Variants in DLGAP4 observed in about 807,000 individuals in gnomAD.
DLGAP4 encodes disks large-associated protein 4.
Under a neutral mutation model 86.9 loss-of-function variants are expected in DLGAP4, and 18 were observed. The observed-to-expected ratio is 0.21, with a 90% CI of 0.14 to 0.31. DLGAP4 has a LOEUF of 0.31. DLGAP4 is among the 10% of genes least tolerant of loss of function. The pLI, the probability that DLGAP4 is intolerant of heterozygous loss-of-function variation, is 1.00. For missense variants in DLGAP4, 1,085 were observed against 1,362.6 expected (o/e 0.80, Z 3.21); for synonymous variants, 548 against 574.3 (o/e 0.95, Z 0.65).
intron 2 of DLGAP4, among the ~76,000 whole-genome samples, chr20:36,408,083 G>A (rs1356541800): frequency 6.6e-6 from 1 of 152,028 alleles, no homozygotes; most frequent in Non-Finnish European, 1.5e-5. Flanking sequence ...AAGCTGGTGA[G>A]GAAGGAGACA....
chr20:36,432,395 G>A lies in DLGAP4; in HGVS notation c.678G>A (p.Gly226=), dbSNP rs1280640345. ...TCCGCAGCAGTGGCCCAGCCTCTGG[G>A]CTGATGACACTAGGCCGCCAGGCAG... ...GAFRSSGPAS[G]LMTLGRQAER... Residue 226 remains glycine, a synonymous_variant, in exon 3 of 13, where the codon GGG becomes GGA. Coordinates refer to ENST00000339266, the MANE Select transcript of DLGAP4 (RefSeq NM_001365621.2). This position sits in a 1 kb window ranked among gnomAD's most constrained non-coding sequence, Gnocchi z 6.5. 1 of 1,613,782 alleles carries A rather than the reference G, an allele frequency of 6.2e-7. No homozygotes were observed. The highest frequency in any genetic ancestry group is 8.5e-7 in the Non-Finnish European group (1 of 1,180,044).
chr20:36,476,318 C>CTTTTT (rs1028980966), intron 7 of DLGAP4, among the ~76,000 whole-genome samples: 1 of 119,598 alleles, frequency 8.4e-6, no homozygotes, highest in African/African-American at 3.1e-5. Flanking sequence ...TGGCAACCAC[C>CTTTTT]TTTTTTTTTT....
At chr20:36,331,659 G>C (rs1394808672) in intron 1 of DLGAP4, among the ~76,000 whole-genome samples, 1 of 152,228 alleles carries the variant, frequency 6.6e-6, no homozygotes, top group Non-Finnish European at 1.5e-5. Flanking sequence ...CCCACTCACA[G>C]GTGTTTAACA....
At chr20:36,343,466 C>T (rs12481235) in intron 1 of DLGAP4, among the ~76,000 whole-genome samples, 31,279 of 152,102 alleles carry the variant, frequency 0.21, 4,332 homozygotes, top group Non-Finnish European at 0.31. Flanking sequence ...ATGATGTGCT[C>T]AAGGTCACCC....
chr20:36,328,325 G>A (rs536044482), intron 1 of DLGAP4, among the ~76,000 whole-genome samples: 2 of 152,294 alleles, frequency 1.3e-5, no homozygotes, highest in East Asian at 3.9e-4. Flanking sequence ...GGCATCTTTT[G>A]TGCTGAGTAG....
chr20:36,431,619 T>C lies in DLGAP4; in HGVS notation c.-72-27T>C. ...CTCCCCGACAATCCAGCTGACCAGC[T>C]GACCGCTTTCTGTCTTCTCTCCCTA... On this transcript the variant is annotated intron_variant, in intron 2 of 12. Coordinates refer to ENST00000339266, the MANE Select transcript of DLGAP4 (RefSeq NM_001365621.2). The surrounding 1 kb of genome is among the most constrained non-coding windows in gnomAD (Gnocchi z 5.1). 7.2e-7 allele frequency: 1 copy of C among 1,380,428 alleles called. No homozygotes were observed. The highest frequency in any genetic ancestry group is 9.7e-7 in the Non-Finnish European group (1 of 1,030,230). The allele number at this position is 1,380,428 out of a possible 1,614,324, so 85.5% of individuals were successfully genotyped here. A position where few individuals can be genotyped will look rare whatever the true frequency, so the allele number is the denominator to read the frequency against.
At chr20:36,503,022 G>C (rs1465131390) in intron 10 of DLGAP4, among the ~76,000 whole-genome samples, 3 of 152,114 alleles carry the variant, frequency 2.0e-5, no homozygotes, top group Non-Finnish European at 4.4e-5. Flanking sequence ...ACCATGCCTG[G>C]CCACCTTGTA....
At chr20:36,391,233 G>A (rs372084659) in intron 2 of DLGAP4, among the ~76,000 whole-genome samples, 1 of 152,090 alleles carries the variant, frequency 6.6e-6, no homozygotes, top group African/African-American at 2.4e-5. Context: ...CATTCAGGCC[G>A]CCCACTCTGA....
At chr20:36,337,507 G>A (rs1013352416) in intron 1 of DLGAP4, among the ~76,000 whole-genome samples, 1 of 152,192 alleles carries the variant, frequency 6.6e-6, no homozygotes, top group Non-Finnish European at 1.5e-5. Flanking sequence ...GAGCTGAGAT[G>A]GGCCTGAGAG....
At position 36,497,071 on chromosome 20, in the gene DLGAP4, G is replaced by C. The variant is rs574675319; in HGVS notation, c.2010+5G>C. On this transcript the variant is annotated splice_donor_5th_base_variant and intron_variant, in intron 8 of 12. Coordinates refer to ENST00000339266, the MANE Select transcript of DLGAP4 (RefSeq NM_001365621.2). Reference sequence around the variant, plus strand: ...CTGTCATCGATAGGAATACAAGTAGGGGCTCCTTTTGCACTCTGTGTCCTC... The same window carrying C: ...CTGTCATCGATAGGAATACAAGTAGCGGCTCCTTTTGCACTCTGTGTCCTC... 1.3e-6 allele frequency: 2 copies of C among 1,586,068 alleles called. No individual in the cohort carries two copies. The highest frequency in any genetic ancestry group is 1.7e-6 in the Non-Finnish European group (2 of 1,163,910).
chr20:36,361,238 T>TA (rs1236828651), intron 1 of DLGAP4, among the ~76,000 whole-genome samples: 1 of 152,116 alleles, frequency 6.6e-6, no homozygotes, highest in Non-Finnish European at 1.5e-5. Context: ...AGTGCTATTT[T>TA]AAAAAAACTA....
chr20:36,524,990 A>G (rs1325737781), intron 11 of DLGAP4, among the ~76,000 whole-genome samples: 2 of 151,846 alleles, frequency 1.3e-5, no homozygotes, highest in Non-Finnish European at 2.9e-5. Flanking sequence ...AGGCCGAGGC[A>G]GGCAGATCAT....
chr20:36,494,415 T>C (rs1004467776), intron 7 of DLGAP4, among the ~76,000 whole-genome samples: 1 of 152,218 alleles, frequency 6.6e-6, no homozygotes, highest in Non-Finnish European at 1.5e-5. Context: ...AGATGGATTA[T>C]TTTAAATTAA....
chr20:36,424,933 G>C (rs546319457), intron 2 of DLGAP4, among the ~76,000 whole-genome samples: 1 of 151,960 alleles, frequency 6.6e-6, no homozygotes, highest in Non-Finnish European at 1.5e-5. Flanking sequence ...ATGGGGTTTC[G>C]CCATATTGGG....
At chr20:36,434,925 G>T (rs2147547959) in intron 3 of DLGAP4, among the ~76,000 whole-genome samples, 1 of 152,304 alleles carries the variant, frequency 6.6e-6, no homozygotes, top group East Asian at 1.9e-4. Context: ...GTGCAGTCTG[G>T]TGAGGGGTAT....
chr20:36,488,553 C>G (rs564689631), intron 7 of DLGAP4, among the ~76,000 whole-genome samples: 2 of 151,986 alleles, frequency 1.3e-5, no homozygotes, highest in Non-Finnish European at 2.9e-5. Context: ...AATCCATAAC[C>G]TTGTTTTATG....
intron 1 of DLGAP4, among the ~76,000 whole-genome samples, chr20:36,342,488 C>A (rs150637581): frequency 6.6e-6 from 1 of 152,178 alleles, no homozygotes; most frequent in African/African-American, 2.4e-5. Flanking sequence ...CCACCAAGGC[C>A]CCATGACAGC....
intron 1 of DLGAP4, among the ~76,000 whole-genome samples, chr20:36,334,920 C>T (rs1555891936): frequency 3.9e-5 from 6 of 152,120 alleles, no homozygotes; most frequent in African/African-American, 9.7e-5. Context: ...CCCGCCTGAG[C>T]CCGATTGCCC....
At chr20:36,375,016 G>A (rs2082691843) in intron 2 of DLGAP4, among the ~76,000 whole-genome samples, 1 of 152,242 alleles carries the variant, frequency 6.6e-6, no homozygotes, top group South Asian at 2.1e-4. Context: ...TAGGCCTTTA[G>A]ACATACATCT....
Sources: gnomAD v4.1 joint callset for allele counts (sites outside exome capture counted in the v4.1 genomes callset) on GRCh38, gnomAD v4.1.1 for gene constraint, Gnocchi (gnomAD v3.1) non-coding constraint, MANE v1.5 for transcripts, NCBI Gene and HGNC (gene_info 2026-07-23, HGNC 2026-07-21) for gene names.